The following DAB1 variants were observed in gnomAD, a reference collection of about 807,000 sequenced individuals.
DAB1 encodes the protein DAB adaptor protein 1.
In DAB1, 15 loss-of-function variants were observed where a neutral mutation model predicts 64.6. The ratio of observed to expected loss-of-function variants is 0.23; its 90% confidence interval spans 0.16 to 0.36. The LOEUF is 0.36. DAB1 is among the 10% of genes least tolerant of loss of function. The pLI, the probability that DAB1 is intolerant of heterozygous loss-of-function variation, is 1.00. For missense variants in DAB1, 596 were observed against 706.7 expected (o/e 0.84, Z 1.78); for synonymous variants, 235 against 251.9 (o/e 0.93, Z 0.64).
At chr1:58,332,182 T>G (rs920235692) in intron 4 of DAB1, among the ~76,000 whole-genome samples, 1 of 152,154 alleles carries the variant, frequency 6.6e-6, no homozygotes, top group African/African-American at 2.4e-5. Context: ...CTTGCCTGAT[T>G]CTCCCAGAAG....
At chr1:58,431,558 G>GA (rs66832530) in intron 3 of DAB1, among the ~76,000 whole-genome samples, 10,609 of 75,746 alleles carry the variant, frequency 0.14, 1,109 homozygotes, top group African/African-American at 0.32. Context: ...ACTCCATCTG[G>GA]AAAAAAAAAA....
At chr1:57,453,145 TGA>T (rs1359706286) in intron 7 of DAB1, among the ~76,000 whole-genome samples, 2 of 151,916 alleles carry the variant, frequency 1.3e-5, no homozygotes, top group African/African-American at 2.4e-5. Context: ...TCTTATTGTC[TGA>T]GAGATGAAAG....
intron 4 of DAB1, among the ~76,000 whole-genome samples, chr1:58,290,139 G>C (rs962329859): frequency 6.6e-6 from 1 of 152,166 alleles, no homozygotes; most frequent in Admixed American, 6.5e-5. Flanking sequence ...AGTTCAATAA[G>C]TCAGAGACAC....
chr1:58,001,261 TTTTG>T (rs568185540), intron 5 of DAB1, among the ~76,000 whole-genome samples: 11 of 152,010 alleles, frequency 7.2e-5, no homozygotes, highest in African/African-American at 9.7e-5. Context: ...AAGGGCTCTT[TTTTG>T]TTTGTTTGTT....
chr1:57,531,160 G>A (rs573272369), intron 7 of DAB1, among the ~76,000 whole-genome samples: 4 of 152,096 alleles, frequency 2.6e-5, no homozygotes, highest in East Asian at 3.9e-4. Flanking sequence ...GAAAATGGCC[G>A]GTTCCTGCCT....
intron 4 of DAB1, among the ~76,000 whole-genome samples, chr1:58,158,290 A>G (rs1655327292): frequency 6.6e-6 from 1 of 152,210 alleles, no homozygotes; most frequent in Admixed American, 6.5e-5. Context: ...GGATTAGTTC[A>G]GAGCCCAGGG....
intron 1 of DAB1, among the ~76,000 whole-genome samples, chr1:57,292,230 C>T (rs902334178): frequency 6.6e-6 from 1 of 152,174 alleles, no homozygotes; most frequent in African/African-American, 2.4e-5. Flanking sequence ...ACCTCTTAAT[C>T]ATGACAATCT....
intron 3 of DAB1, among the ~76,000 whole-genome samples, chr1:58,349,690 T>C (rs891202070): frequency 6.6e-6 from 1 of 152,078 alleles, no homozygotes; most frequent in Non-Finnish European, 1.5e-5. Flanking sequence ...CTCCCACTTA[T>C]GAGTGAGAAC....
rs186309153 is a variant in DAB1 at position 58,058,208 on chromosome 1, T to C, written n.387+92303A>G. Among the ~76,000 whole-genome samples the C allele has an allele frequency of 3.4e-4, 52 of 152,242 alleles. 1 individual carries two copies. Among genetic ancestry groups the C allele is most frequent in the Admixed American group, 2.9e-3 (44 of 15,298 alleles). On this transcript the variant is annotated intron_variant and non_coding_transcript_variant, in intron 5 of 20. Coordinates refer to the DAB1 transcript ENST00000485760. ...CATTAAGTGCTTACTACATACTCAG[T>C]ACCATTCTAAGTTATTTATATTAAC... is the stretch of plus-strand genomic sequence containing the variant.
chr1:58,252,606 TC>T (rs1660830088), intron 4 of DAB1, among the ~76,000 whole-genome samples: 1 of 152,154 alleles, frequency 6.6e-6, no homozygotes, highest in Admixed American at 6.5e-5. Flanking sequence ...TGTAACAGAT[TC>T]CAGAGGCCTC....
At chr1:57,407,032 T>C (rs1164378995) in intron 1 of DAB1, among the ~76,000 whole-genome samples, 1 of 152,244 alleles carries the variant, frequency 6.6e-6, no homozygotes, top group East Asian at 1.9e-4. Context: ...AAACTTTCCC[T>C]AAGAATGCAG....
intron 2 of DAB1, among the ~76,000 whole-genome samples, chr1:57,153,984 G>A (rs1324267297): frequency 6.6e-6 from 1 of 152,116 alleles, no homozygotes; most frequent in African/African-American, 2.4e-5. Context: ...ATACAAACAT[G>A]CAATGCATAC....
At chr1:57,273,597 T>C (rs1386992073) in intron 2 of DAB1, among the ~76,000 whole-genome samples, 2 of 120,366 alleles carry the variant, frequency 1.7e-5, no homozygotes, top group Non-Finnish European at 3.4e-5. Flanking sequence ...CTTCCTTCCT[T>C]CCTTCCTTCC....
chr1:57,491,724 T>C lies in DAB1; in HGVS notation n.625+157868A>G, dbSNP rs540601420. 1.8e-4 allele frequency among the ~76,000 whole-genome samples: 28 copies of C among 152,288 alleles called. 1 individual carries two copies. The South Asian group carries it at 5.6e-3, about 30-fold the overall frequency. On this transcript the variant is annotated intron_variant and non_coding_transcript_variant, in intron 7 of 20. Coordinates refer to the DAB1 transcript ENST00000485760. ...CTTGGCAATGCCGTGTTTCCATTAG[T>C]AGAATGAGAAGAGCGGCCTCTATAG... is the stretch of plus-strand genomic sequence containing the variant.
chr1:57,999,927 G>C (rs1239712388), intron 5 of DAB1, among the ~76,000 whole-genome samples: 1 of 150,680 alleles, frequency 6.6e-6, no homozygotes, highest in African/African-American at 2.4e-5. Flanking sequence ...AGAAGGAAAA[G>C]AAGGAAGGAG....
chr1:57,889,989 A>C (rs1389740138), intron 5 of DAB1, among the ~76,000 whole-genome samples: 1 of 151,842 alleles, frequency 6.6e-6, no homozygotes, highest in East Asian at 1.9e-4. Context: ...TCTTCTCATA[A>C]GAAGGCTGAA....
At chr1:58,356,871 A>T (rs895731217) in intron 3 of DAB1, among the ~76,000 whole-genome samples, 7 of 151,936 alleles carry the variant, frequency 4.6e-5, no homozygotes, top group East Asian at 1.9e-4. Flanking sequence ...AAAAAATTTT[A>T]AAAATTAGCT....
At chr1:57,108,545 G>A (rs1173289553) in intron 4 of DAB1, among the ~76,000 whole-genome samples, 1 of 152,038 alleles carries the variant, frequency 6.6e-6, no homozygotes, top group Non-Finnish European at 1.5e-5. Context: ...ATTTATTATT[G>A]TCCTATCTCC....
intron 2 of DAB1, among the ~76,000 whole-genome samples, chr1:57,226,672 A>AAAATATAT (rs747021990): frequency 3.7e-5 from 5 of 135,998 alleles, no homozygotes; most frequent in African/African-American, 1.5e-4. Flanking sequence ...TTAAAAAAAA[A>AAAATATAT]ATATATATAT....
Sources: allele counts gnomAD v4.1 joint callset (sites outside exome capture counted in the v4.1 genomes callset), GRCh38; gene constraint gnomAD v4.1.1; transcripts MANE v1.5; gene names NCBI Gene and HGNC (gene_info 2026-07-23, HGNC 2026-07-21).